CTDSPL: variants seen among roughly 807,000 people sequenced by gnomAD.
CTDSPL encodes CTD small phosphatase like, also known as CTD small phosphatase-like protein.
CTDSPL carries 8 observed loss-of-function variants against 30.5 expected under a neutral mutation model. That is an observed-to-expected ratio of 0.26 (90% CI 0.15 to 0.47). The LOEUF (loss-of-function observed/expected upper bound fraction) is 0.47, where lower values mean the gene tolerates loss of function less well. Ranked by LOEUF, CTDSPL falls within the 20% of genes least tolerant of loss-of-function variation. The pLI, the probability that CTDSPL is intolerant of heterozygous loss-of-function variation, is 0.99. For synonymous variants in CTDSPL, 110 were observed against 137.9 expected, an observed-to-expected ratio of 0.80 and a Z score of 1.42; for missense variants, 248 against 366.1, an observed-to-expected ratio of 0.68 and a Z score of 2.63.
chr3:37,949,353 A>G (rs1304758704), intron 2 of CTDSPL, among the ~76,000 whole-genome samples: 1 of 152,208 alleles, frequency 6.6e-6, no homozygotes, highest in Non-Finnish European at 1.5e-5. Flanking sequence ...CAAAGATTTA[A>G]CCATGAGGTA....
chr3:37,969,465 A>G, intron 5 of CTDSPL: 1 of 513,684 alleles, frequency 1.9e-6, no homozygotes, highest in Non-Finnish European at 4.0e-6. Context: ...ATTCTTGGTT[A>G]CTTGCACGGG....
chr3:37,903,594 C>T (rs541521705), intron 1 of CTDSPL, among the ~76,000 whole-genome samples: 10 of 152,282 alleles, frequency 6.6e-5, no homozygotes, highest in African/African-American at 2.2e-4. Context: ...TAGGGTCAAA[C>T]AAGGATGTCC....
Position 37,982,084 on chromosome 3 carries a change from G to C in CTDSPL, c.*1217G>C. On this transcript the variant is annotated 3_prime_UTR_variant, in exon 8 of 8. Transcript: ENST00000273179. ...AGGACCACAGCACCACTTAGGTGTA[G>C]CATGGATTTTAAACTGCAGTCAGTA... 1 of 342,936 alleles carries C rather than the reference G, an allele frequency of 2.9e-6. No homozygotes were observed. Among genetic ancestry groups the C allele is most frequent in the African/African-American group, 2.1e-5 (1 of 46,538 alleles). The allele number at this position is 342,936 out of a possible 1,614,324, so 21.2% of individuals were successfully genotyped here.
Position 37,981,768 on chromosome 3 carries a change from A to G in CTDSPL, c.*901A>G, listed in dbSNP as rs1481115195. On this transcript the variant is annotated 3_prime_UTR_variant, in exon 8 of 8. Coordinates refer to ENST00000273179, the MANE Select transcript of CTDSPL (RefSeq NM_001008392.2). ...TAGAGCAGTTACAAGAAACCCTAAAACCCTTGGATATAAAAGAAATCTGTT... is the reference window on the plus strand; with the variant it reads ...TAGAGCAGTTACAAGAAACCCTAAAGCCCTTGGATATAAAAGAAATCTGTT... 1 of 454,582 alleles carries G rather than the reference A, an allele frequency of 2.2e-6. No individual in the cohort carries two copies. The highest frequency in any genetic ancestry group is 4.4e-6 in the Non-Finnish European group (1 of 226,142). 28.2% of individuals were successfully genotyped at this position (454,582 alleles called of 1,614,324 possible).
chr3:37,864,506 G>C (rs1385742414), intron 1 of CTDSPL, among the ~76,000 whole-genome samples: 2 of 152,118 alleles, frequency 1.3e-5, no homozygotes, highest in Non-Finnish European at 2.9e-5. Context: ...GGGTGGGGTG[G>C]TTGGCTAGTA....
rs1699509694 is a variant in CTDSPL, at chr3:37,982,981, A to C, written c.*2114A>C. ...AGAGCGGGCAAAGAGGATGGAAATC[A>C]TAAAATATTTCATGGGAATCGAACC... On this transcript the variant is annotated 3_prime_UTR_variant, in exon 8 of 8. Coordinates refer to ENST00000273179, the MANE Select transcript of CTDSPL (RefSeq NM_001008392.2). The C allele has an allele frequency of 4.7e-6, 1 of 212,816 alleles. No homozygotes were observed. Among genetic ancestry groups the C allele is most frequent in the South Asian group, 6.2e-5 (1 of 16,016 alleles). 13.2% of individuals were successfully genotyped at this position (212,816 alleles called of 1,614,324 possible). A position where few individuals can be genotyped will look rare whatever the true frequency, so the allele number is the denominator to read the frequency against.
rs1699183101 is a variant in CTDSPL at position 37,957,092 on chromosome 3, T to C, written c.235-19T>C. On this transcript the variant is annotated intron_variant, in intron 2 of 7. Transcript: ENST00000273179. The stretch of plus-strand genomic sequence containing the variant: ...TTCTCTTCGAACCTGACAATGATTT[T>C]TTTTTTCTTTTTCCTCAGGGTGACC... 6.3e-7 allele frequency: 1 copy of C among 1,597,068 alleles called. No homozygotes were observed. The highest frequency in any genetic ancestry group is 8.5e-7 in the Non-Finnish European group (1 of 1,169,646).
chr3:37,975,667 TC>T lies in CTDSPL; in HGVS notation c.520-41del, dbSNP rs749954016. On this transcript the variant is annotated intron_variant, in intron 6 of 7. Coordinates refer to ENST00000273179, the MANE Select transcript of CTDSPL (RefSeq NM_001008392.2). The surrounding 1 kb of genome is among the most constrained non-coding windows in gnomAD (Gnocchi z 4.9). ...TGCTGTAGTTCAGGGTTTGGGGGGC[TC>T]TTTTAAACACCCAGCCTTCATTGTG... 14 of 1,548,548 alleles carry T rather than the reference TC, an allele frequency of 9.0e-6. No homozygotes were observed. In the East Asian group the frequency reaches 3.2e-4, roughly 35 times the overall value.
At chr3:37,916,497 G>T (rs1323962672) in intron 1 of CTDSPL, among the ~76,000 whole-genome samples, 1 of 152,150 alleles carries the variant, frequency 6.6e-6, no homozygotes, top group Non-Finnish European at 1.5e-5. Flanking sequence ...CCTTAATCCA[G>T]TATGACTGCT....
In CTDSPL at chr3:37,942,568, CG is replaced by C. The variant is rs1158996970; in HGVS notation, c.80-4484del. Among the ~76,000 whole-genome samples, 3 of 149,988 alleles carry C rather than the reference CG, an allele frequency of 2.0e-5. 1 individual carries two copies. The highest frequency in any genetic ancestry group is 4.5e-5 in the Non-Finnish European group (3 of 66,948). On this transcript the variant is annotated intron_variant, in intron 1 of 7. Coordinates refer to ENST00000273179, the MANE Select transcript of CTDSPL (RefSeq NM_001008392.2). ...TGAGGTGGGAGGATGTCTTGAGCCC[CG>C]GGGGTAGAGGTTGCAGTGAGCCAAG...
intron 1 of CTDSPL, among the ~76,000 whole-genome samples, chr3:37,909,610 G>A (rs1272753235): frequency 6.6e-6 from 1 of 152,240 alleles, no homozygotes; most frequent in Non-Finnish European, 1.5e-5. Context: ...GTTTTTCCCA[G>A]TGTGGTGATG....
intron 1 of CTDSPL, among the ~76,000 whole-genome samples, chr3:37,921,783 C>T (rs929649365): frequency 2.6e-5 from 4 of 152,216 alleles, no homozygotes; most frequent in African/African-American, 9.6e-5. Flanking sequence ...GCTGGTCATC[C>T]TGGGGCAAGG....
At chr3:37,885,294 G>A (rs115809084) in intron 1 of CTDSPL, among the ~76,000 whole-genome samples, 1,599 of 152,296 alleles carry the variant, frequency 0.01, 35 homozygotes, top group South Asian at 0.078. Context: ...GCAACCTGGA[G>A]TTTAATAGGT....
intron 1 of CTDSPL, among the ~76,000 whole-genome samples, chr3:37,936,713 T>G (rs1698920553): frequency 6.6e-6 from 1 of 151,340 alleles, no homozygotes; most frequent in Admixed American, 6.6e-5. Context: ...AATGTAGTTG[T>G]GAATTCAACT....
chr3:37,901,481 GA>G (rs1370017265), intron 1 of CTDSPL, among the ~76,000 whole-genome samples: 1 of 152,126 alleles, frequency 6.6e-6, no homozygotes, highest in African/African-American at 2.4e-5. Context: ...ACCTCTTTGT[GA>G]GTTCCCAAAT....
In CTDSPL at chr3:37,975,202, A is replaced by G. The variant is rs1312894759; in HGVS notation, c.520-507A>G. Among the ~76,000 whole-genome samples, 1 of 152,222 alleles carries G rather than the reference A, an allele frequency of 6.6e-6. No individual in the cohort carries two copies. The highest frequency in any genetic ancestry group is 1.5e-5 in the Non-Finnish European group (1 of 68,036). The stretch of plus-strand genomic sequence containing the variant: ...GCCAGTGTGGCTCCAGGGGCTCCAG[A>G]TGGAGCTCATTCAGCTGTGCCATGT... On this transcript the variant is annotated intron_variant, in intron 6 of 7. Coordinates refer to ENST00000273179, the MANE Select transcript of CTDSPL (RefSeq NM_001008392.2). This position sits in a 1 kb window ranked among gnomAD's most constrained non-coding sequence, Gnocchi z 4.9.
intron 2 of CTDSPL, among the ~76,000 whole-genome samples, chr3:37,955,325 G>T (rs1174357519): frequency 1.3e-5 from 2 of 152,218 alleles, no homozygotes; most frequent in African/African-American, 4.8e-5. Flanking sequence ...CTACTCAGGA[G>T]GCTGAGGCAG....
chr3:37,864,751 T>G (rs1404639104), intron 1 of CTDSPL, among the ~76,000 whole-genome samples: 1 of 152,024 alleles, frequency 6.6e-6, no homozygotes, highest in Non-Finnish European at 1.5e-5. Context: ...TAATTTTACA[T>G]TATGTAAAAA....
intron 7 of CTDSPL, among the ~76,000 whole-genome samples, chr3:37,978,625 T>C (rs1337818069): frequency 2.0e-5 from 3 of 152,146 alleles, no homozygotes; most frequent in Admixed American, 2.0e-4. Context: ...GCTCAAAAAA[T>C]TTTGGATTTT....
Sources: allele counts gnomAD v4.1 joint callset (sites outside exome capture counted in the v4.1 genomes callset), GRCh38; gene constraint gnomAD v4.1.1; non-coding constraint Gnocchi (gnomAD v3.1); transcripts MANE v1.5; gene names NCBI Gene and HGNC (gene_info 2026-07-23, HGNC 2026-07-21).